The following PLCD1 variants were observed in gnomAD, a reference collection of about 807,000 sequenced individuals.
The protein encoded by PLCD1 is 1-phosphatidylinositol 4,5-bisphosphate phosphodiesterase delta-1.
PLCD1 carries 71 observed loss-of-function variants against 87.4 expected under a neutral mutation model. That is an observed-to-expected ratio of 0.81 (90% confidence interval 0.67 to 0.99). The LOEUF is 0.99. Ranked by LOEUF, PLCD1 falls within the 50% of genes least tolerant of loss-of-function variation. The probability of loss-of-function intolerance (pLI) is 0.00; values close to 1 mark genes in which losing one functional copy is unlikely to be tolerated. For synonymous variants in PLCD1, 348 were observed against 399.2 expected (o/e 0.87, Z 1.53); for missense variants, 867 against 1,001.5 (o/e 0.87, Z 1.81).
intron 3 of PLCD1, among the ~76,000 whole-genome samples, chr3:38,012,811 C>G (rs1700101597): frequency 6.6e-6 from 1 of 152,112 alleles, no homozygotes; most frequent in African/African-American, 2.4e-5. Flanking sequence ...GCCACGGCAC[C>G]CGGCCTATAA....
Position 38,016,624 on chromosome 3 carries a change from T to C in PLCD1, c.295A>G (p.Ile99Val), listed in dbSNP as rs562194207. The part of the protein sequence containing the change: ...RDVPEDRCFS[I>V]VFKDQRNTLD... ...GTATTGCGCTGGTCCTTGAAGACAA[T>C]GGAGAAGCAGCGGTCCTCGGGCACA... is the stretch of plus-strand genomic sequence containing the variant. Residue 99 changes from isoleucine to valine, a missense_variant, in exon 3 of 15, where the codon ATT becomes GTT. Ile to Val is a conservative substitution (Grantham distance 29). Coordinates refer to ENST00000334661, the MANE Select transcript of PLCD1 (RefSeq NM_006225.4). 2.5e-6 allele frequency: 4 copies of C among 1,612,492 alleles called. No homozygotes were observed. The highest frequency in any genetic ancestry group is 2.2e-5 in the East Asian group (1 of 44,844).
intron 1 of PLCD1, among the ~76,000 whole-genome samples, chr3:38,022,638 C>G (rs537850790): frequency 1.3e-5 from 2 of 152,178 alleles, no homozygotes; most frequent in Non-Finnish European, 2.9e-5. Context: ...AGATAAACCC[C>G]CAGCTGCCAA....
In PLCD1 at chr3:38,017,084, A is replaced by C. The variant is rs1363898251; in HGVS notation, c.200-365T>G. On this transcript the variant is annotated intron_variant, in intron 2 of 14. Coordinates refer to ENST00000334661, the MANE Select transcript of PLCD1 (RefSeq NM_006225.4). The surrounding 1 kb of genome is among the most constrained non-coding windows in gnomAD (Gnocchi z 4.7). The stretch of plus-strand genomic sequence containing the variant: ...ATGGGGGGTGCAGGGCCCCAGGGAG[A>C]GGACTGGAGCAGGGCAAGGCTCTTA... Among the ~76,000 whole-genome samples, 1 of 151,950 alleles carries C rather than the reference A, an allele frequency of 6.6e-6. No individual in the cohort carries two copies. The highest frequency in any genetic ancestry group is 1.5e-5 in the Non-Finnish European group (1 of 67,954).
In PLCD1 at chr3:38,008,156, GT is replaced by G. The variant is rs1481931791; in HGVS notation, c.2042del (p.Asn681ThrfsTer12). On this transcript the variant is annotated frameshift_variant, in exon 14 of 15. Transcript: ENST00000334661. LOFTEE classifies it high-confidence loss of function. Reference protein sequence around the residue: ...QTAVITNNGFNPWWDTEFAFE... With the variant: ...QTAVITNNGFXPWWDTEFAFE... ...ACGCAAACTCCGTGTCCCACCATGG[GT>G]TGAAACCTAGGGGGACAGGCACCAT... 3 of 1,613,670 alleles carry G rather than the reference GT, an allele frequency of 1.9e-6. No individual in the cohort carries two copies. The African/African-American group carries it at 4.0e-5, about 22-fold the overall frequency.
At chr3:38,024,833 A>G (rs755949655) in intron 1 of PLCD1, 4 of 908,336 alleles carry the variant, frequency 4.4e-6, no homozygotes, top group Non-Finnish European at 1.5e-6. Context: ...AGGCTGGGCC[A>G]TCCAAGAGGG....
chr3:38,008,479 T>C lies in PLCD1; in HGVS notation c.1881A>G (p.Ala627=). Residue 627 remains alanine (A), a synonymous_variant, in exon 12 of 15, where the codon GCA becomes GCG. Coordinates refer to ENST00000334661, the MANE Select transcript of PLCD1 (RefSeq NM_006225.4). ...PRALAQGPWW[A]RKRLNIRVIS... ...GTACCCTGATGTTGAGCCGCTTCCG[T>C]GCCCACCAGGGCCCCTGAGCCAGGG... 6.2e-7 allele frequency: 1 copy of C among 1,614,212 alleles called. No homozygotes were observed. The highest frequency in any genetic ancestry group is 8.5e-7 in the Non-Finnish European group (1 of 1,180,016).
intron 1 of PLCD1, among the ~76,000 whole-genome samples, chr3:38,029,208 A>G (rs193211594): frequency 3.9e-4 from 59 of 152,324 alleles, no homozygotes; most frequent in African/African-American, 1.4e-3. Context: ...CCAGACTTTC[A>G]TGACCAGGAC....
chr3:38,019,695 CTG>C (rs1254108973), intron 2 of PLCD1, among the ~76,000 whole-genome samples: 5 of 152,174 alleles, frequency 3.3e-5, no homozygotes, highest in Non-Finnish European at 5.9e-5. Context: ...TGGCCTCTGT[CTG>C]TGTGTCCCAG....
At chr3:38,015,923 C>T (rs532642251) in intron 3 of PLCD1, among the ~76,000 whole-genome samples, 1 of 152,346 alleles carries the variant, frequency 6.6e-6, no homozygotes, top group East Asian at 1.9e-4. Flanking sequence ...AGACCCCCAA[C>T]TCCATGCTGG....
chr3:38,010,354 G>C lies in PLCD1; in HGVS notation c.992+7C>G. The C allele has an allele frequency of 1.9e-6, 3 of 1,614,210 alleles. No homozygotes were observed. Among genetic ancestry groups the C allele is most frequent in the Middle Eastern group, 3.3e-4 (2 of 6,062 alleles). On this transcript the variant is annotated splice_region_variant and intron_variant, in intron 6 of 14. Coordinates refer to ENST00000334661, the MANE Select transcript of PLCD1 (RefSeq NM_006225.4). ...AGACTCCCGACCCAAGGCTCCCTGAGCAGCACCGGATGTAGGCTTCAGTGC... is the reference window on the plus strand; with the variant it reads ...AGACTCCCGACCCAAGGCTCCCTGACCAGCACCGGATGTAGGCTTCAGTGC...
At chr3:38,024,678 C>G (rs1700286149) in intron 1 of PLCD1, 1 of 1,505,692 alleles carries the variant, frequency 6.6e-7, no homozygotes. Flanking sequence ...GGAGGCGGAG[C>G]TAGTCCACGA....
chr3:38,024,472 C>T, intron 1 of PLCD1: 1 of 1,588,498 alleles, frequency 6.3e-7, no homozygotes, highest in Non-Finnish European at 8.6e-7. Context: ...GAGCCGGGTC[C>T]GGGGCAGTGC....
intron 3 of PLCD1, among the ~76,000 whole-genome samples, chr3:38,014,269 A>G (rs1174015187): frequency 6.7e-6 from 1 of 149,388 alleles, no homozygotes; most frequent in African/African-American, 2.6e-5. Context: ...CTAAAGCAAT[A>G]TTGAAAAAAA....
intron 1 of PLCD1, among the ~76,000 whole-genome samples, chr3:38,026,049 C>T (rs955345649): frequency 1.3e-5 from 2 of 152,116 alleles, no homozygotes; most frequent in Non-Finnish European, 2.9e-5. Flanking sequence ...AATATGAACA[C>T]GGAAAAGCTA....
intron 3 of PLCD1, 139 bp downstream of exon 3, chr3:38,016,352 A>G: frequency 1.4e-6 from 1 of 701,654 alleles, no homozygotes; most frequent in Non-Finnish European, 2.6e-6. Context: ...AAAATAAATT[A>G]TGCTGTTTAA....
At chr3:38,023,408 G>A (rs746708897) in intron 1 of PLCD1, among the ~76,000 whole-genome samples, 10 of 152,124 alleles carry the variant, frequency 6.6e-5, no homozygotes, top group Non-Finnish European at 1.3e-4. Flanking sequence ...GATGATAGAG[G>A]CTCCCATAAT....
At position 38,010,392 on chromosome 3, in the gene PLCD1, C is replaced by T; in HGVS notation, c.961G>A (p.Ala321Thr). The change falls in exon 6 of 15, where the codon GCC (alanine) becomes ACC (threonine). Residue 321 changes from alanine (A) to threonine (T), a missense_variant. Coordinates refer to ENST00000334661, the MANE Select transcript of PLCD1 (RefSeq NM_006225.4). ...HNTYLLEDQL[A>T]GPSSTEAYIR... The stretch of plus-strand genomic sequence containing the variant: ...TAGGCTTCAGTGCTGCTGGGCCCGG[C>T]TAGCTGGTCCTCCAGCAGGTAGGTG... 1 of 1,614,234 alleles carries T rather than the reference C, an allele frequency of 6.2e-7. No homozygotes were observed. Among genetic ancestry groups the T allele is most frequent in the South Asian group, 1.1e-5 (1 of 91,082 alleles).
intron 6 of PLCD1, 30 bp from the exon 7 acceptor site, chr3:38,010,305 C>A: frequency 6.2e-7 from 1 of 1,614,158 alleles, no homozygotes; most frequent in Non-Finnish European, 8.5e-7. Context: ...TAGGACCCTC[C>A]AGGTCCTGTC....
intron 9 of PLCD1, 92 bp from the exon 10 acceptor site, chr3:38,009,523 G>A: frequency 6.4e-7 from 1 of 1,561,140 alleles, no homozygotes; most frequent in Non-Finnish European, 8.8e-7. Context: ...AGAGACAGAG[G>A]GAGACAGACA....
Sources: allele counts gnomAD v4.1 joint callset (sites outside exome capture counted in the v4.1 genomes callset), GRCh38; gene constraint gnomAD v4.1.1; non-coding constraint Gnocchi (gnomAD v3.1); transcripts MANE v1.5; gene names NCBI Gene and HGNC (gene_info 2026-07-23, HGNC 2026-07-21).